Variants in CRELD1 observed in about 807,000 individuals in gnomAD.
CRELD1 encodes the protein CRELD disulfide isomerase 1.
CRELD1 carries 42 observed loss-of-function variants against 58.2 expected under a neutral mutation model. The ratio of observed to expected loss-of-function variants is 0.72; its 90% CI spans 0.56 to 0.93. The LOEUF (loss-of-function observed/expected upper bound fraction) is 0.93, where lower values mean the gene tolerates loss of function less well. CRELD1 is among the 40% of genes least tolerant of loss of function. The pLI, the probability that CRELD1 is intolerant of heterozygous loss-of-function variation, is 0.00. For missense variants in CRELD1, 500 were observed against 540.6 expected, an observed-to-expected ratio of 0.92 and a Z score of 0.74; for synonymous variants, 222 against 202.0, an observed-to-expected ratio of 1.10 and a Z score of -0.84.
chr3:9,943,107 G>C lies in CRELD1; in HGVS notation c.848G>C (p.Gly283Ala). Reference sequence around the variant, plus strand: ...GCCAAGGCCTGCCTAGGCTGCATGGGGGCAGGGCCAGGTCGCTGTAAGAAG... The same window carrying C: ...GCCAAGGCCTGCCTAGGCTGCATGGCGGCAGGGCCAGGTCGCTGTAAGAAG... ...DCAKACLGCMGAGPGRCKKCS... is the reference protein window; with the variant it reads ...DCAKACLGCMAAGPGRCKKCS... Residue 283 changes from glycine (G) to alanine (A), a missense_variant, in exon 9 of 11, where the codon GGG becomes GCG. Physicochemically the swap from Gly to Ala is moderately conservative, Grantham distance 60 (BLOSUM62 0). Coordinates refer to ENST00000452070, the MANE Select transcript of CRELD1 (RefSeq NM_001077415.3). 6.2e-7 allele frequency: 1 copy of C among 1,613,812 alleles called. No homozygotes were observed. Among genetic ancestry groups the C allele is most frequent in the Middle Eastern group, 1.6e-4 (1 of 6,062 alleles).
In CRELD1 at chr3:9,943,153, G is replaced by A. The variant is rs1287283065; in HGVS notation, c.894G>A (p.Gln298=). The stretch of plus-strand genomic sequence containing the variant: ...AGAAGTGTAGCCCTGGCTATCAGCA[G>A]GTGGGCTCCAAGTGTCTCGGTGAGT... ...RCKKCSPGYQ[Q]VGSKCLDVDE... The change falls in exon 9 of 11, where the codon CAG becomes CAA. Residue 298 remains glutamine, a synonymous_variant. Transcript: ENST00000452070. 6.2e-7 allele frequency: 1 copy of A among 1,613,380 alleles called. No individual in the cohort carries two copies. Among genetic ancestry groups the A allele is most frequent in the African/African-American group, 1.3e-5 (1 of 74,928 alleles).
chr3:9,944,367 T>G lies in CRELD1; in HGVS notation c.1051T>G (p.Ser351Ala). 1 of 1,613,584 alleles carries G rather than the reference T, an allele frequency of 6.2e-7. No individual in the cohort carries two copies. The highest frequency in any genetic ancestry group is 8.5e-7 in the Non-Finnish European group (1 of 1,179,746). Residue 351 changes from serine (S) to alanine (A), a missense_variant and splice_region_variant, in exon 11 of 11, where the codon TCA becomes GCA. Transcript: ENST00000452070. ...GICVKEQIPE[S>A]AGFFSEMTED... ...CTGCATCTCTTGCTCCTCTGCAGAG[T>G]CAGCAGGCTTCTTCTCAGAGATGAC...
intron 5 of CRELD1, among the ~76,000 whole-genome samples, chr3:9,940,332 G>A (rs1446784720): frequency 6.6e-6 from 1 of 152,118 alleles, no homozygotes; most frequent in Non-Finnish European, 1.5e-5. Flanking sequence ...GGAGGTGGAG[G>A]TTGTAGCGAG....
At chr3:9,935,013 C>A (rs2125330486) in intron 3 of CRELD1, 96 bp downstream of exon 3, 5 of 1,029,600 alleles carry the variant, frequency 4.9e-6, no homozygotes, top group East Asian at 2.6e-5. Context: ...AGCACTTATT[C>A]ATTCAACAAA....
chr3:9,941,846 C>T (rs1468360419), intron 7 of CRELD1, among the ~76,000 whole-genome samples: 1 of 143,104 alleles, frequency 7.0e-6, no homozygotes, highest in Non-Finnish European at 1.5e-5. Context: ...AGAATGAGGA[C>T]ACTGAACTTG....
At chr3:9,943,848 C>CGATGA in intron 10 of CRELD1, 1 of 1,613,844 alleles carries the variant, frequency 6.2e-7, no homozygotes, top group African/African-American at 1.3e-5. Context: ...GTAATCACAA[C>CGATGA]GATGATGGCA....
In CRELD1 at chr3:9,936,121, C is replaced by T. The variant is rs376882539; in HGVS notation, c.257+1204C>T. The stretch of plus-strand genomic sequence containing the variant: ...AAGGCTCAGAGTTAGACCTGGTTGT[C>T]GGTTCTTAACCTCTCAGAGCCACAG... On this transcript the variant is annotated intron_variant, in intron 3 of 10. Coordinates refer to ENST00000452070, the MANE Select transcript of CRELD1 (RefSeq NM_001077415.3). 5.9e-5 allele frequency: 9 copies of T among 152,264 alleles called. No individual in the cohort carries two copies. In the South Asian group the frequency reaches 1.2e-3, roughly 21 times the overall value. 9.4% of individuals were successfully genotyped at this position (152,264 alleles called of 1,614,324 possible). A position where few individuals can be genotyped will look rare whatever the true frequency, so the allele number is the denominator to read the frequency against.
chr3:9,939,195 T>TA (rs1417243299), intron 5 of CRELD1, among the ~76,000 whole-genome samples: 1 of 151,766 alleles, frequency 6.6e-6, no homozygotes, highest in African/African-American at 2.4e-5. Context: ...AAAAGGTCTG[T>TA]AAAATCTAAT....
chr3:9,937,951 A>G (rs534302234), intron 4 of CRELD1, 64 bp from the exon 5 acceptor site: 1 of 1,181,338 alleles, frequency 8.5e-7, no homozygotes, highest in Admixed American at 1.8e-5. Flanking sequence ...GGGAATGGGA[A>G]CAGCACTTAT....
chr3:9,943,445 C>T lies in CRELD1; in HGVS notation c.978C>T (p.Gly326=), dbSNP rs374333743. 2.0e-5 allele frequency: 33 copies of T among 1,613,818 alleles called. No homozygotes were observed. Among genetic ancestry groups the T allele is most frequent in the Admixed American group, 5.0e-5 (3 of 59,984 alleles). ...GENKQCENTE[G]GYRCICAEGY... Reference sequence around the variant, plus strand: ...ACAAGCAGTGTGAAAACACCGAGGGCGGTTATCGCTGCATCTGTGCCGAGG... The same window carrying T: ...ACAAGCAGTGTGAAAACACCGAGGGTGGTTATCGCTGCATCTGTGCCGAGG... The change falls in exon 10 of 11, where the codon GGC becomes GGT. Residue 326 remains glycine (G), a synonymous_variant. Transcript: ENST00000452070.
intron 7 of CRELD1, among the ~76,000 whole-genome samples, 172 bp downstream of exon 7, chr3:9,941,378 A>G (rs1035590002): frequency 2.0e-5 from 3 of 151,954 alleles, no homozygotes; most frequent in Non-Finnish European, 2.9e-5. Context: ...GTACACAGGT[A>G]CTGTGTAGTA....
At chr3:9,938,186 CTGTGT>C in intron 5 of CRELD1, 80 bp downstream of exon 5, 13 of 1,107,534 alleles carry the variant, frequency 1.2e-5, no homozygotes, top group Non-Finnish European at 1.8e-5. Context: ...CCCTAGTTCG[CTGTGT>C]GAACTCAGGC....
chr3:9,944,354 C>T lies in CRELD1; in HGVS notation c.1049-11C>T. ...TACGAGTGCCAGGCTGCATCTCTTG[C>T]TCCTCTGCAGAGTCAGCAGGCTTCT... On this transcript the variant is annotated splice_polypyrimidine_tract_variant and intron_variant, in intron 10 of 10. Coordinates refer to ENST00000452070, the MANE Select transcript of CRELD1 (RefSeq NM_001077415.3). 1.2e-6 allele frequency: 2 copies of T among 1,611,120 alleles called. No individual in the cohort carries two copies. The highest frequency in any genetic ancestry group is 1.7e-6 in the Non-Finnish European group (2 of 1,177,378).
chr3:9,934,369 G>A, intron 1 of CRELD1, 51 bp from the exon 2 acceptor site: 1 of 1,408,670 alleles, frequency 7.1e-7, no homozygotes, highest in African/African-American at 1.4e-5. Context: ...TTTCTTTCTC[G>A]CGTGGGGCCT....
chr3:9,934,837 C>T lies in CRELD1; in HGVS notation c.177C>T (p.Gly59=). ...TATTACTAATTTTCTGTTTCCAGGG[C>T]CTGGAGAGAACCATCCGGGACAACT... ...CRGLVDSFNK[G]LERTIRDNFG... The change falls in exon 3 of 11, where the codon GGC becomes GGT. Residue 59 remains glycine (G), a splice_region_variant and synonymous_variant. Transcript: ENST00000452070. 6.2e-7 allele frequency: 1 copy of T among 1,611,922 alleles called. No individual in the cohort carries two copies. Among genetic ancestry groups the T allele is most frequent in the African/African-American group, 1.3e-5 (1 of 74,986 alleles).
chr3:9,943,603 C>G, intron 10 of CRELD1, 88 bp downstream of exon 10: 2 of 1,599,174 alleles, frequency 1.3e-6, no homozygotes, highest in Non-Finnish European at 1.7e-6. Context: ...AGCTCCAGGC[C>G]CTGCCCCATC....
chr3:9,944,402 G>A lies in CRELD1; in HGVS notation c.1086G>A (p.Glu362=), dbSNP rs1333538413. The change falls in exon 11 of 11, where the codon GAG becomes GAA. Residue 362 remains glutamate (E), a synonymous_variant. Coordinates refer to ENST00000452070, the MANE Select transcript of CRELD1 (RefSeq NM_001077415.3). ...TCTTCTCAGAGATGACAGAAGACGA[G>A]TTGGTGGTGCTGCAGCAGATGTTCT... The part of the protein sequence containing the change: ...AGFFSEMTED[E]LVVLQQMFFG... 6.2e-6 allele frequency: 10 copies of A among 1,614,152 alleles called. No homozygotes were observed. The highest frequency in any genetic ancestry group is 1.7e-4 in the Middle Eastern group (1 of 6,022).
rs559289252 is a variant in CRELD1 at position 9,939,861 on chromosome 3, C to T, written c.461-989C>T. Among the ~76,000 whole-genome samples, 11 of 152,294 alleles carry T rather than the reference C, an allele frequency of 7.2e-5. No homozygotes were observed. In the South Asian group the frequency reaches 1.9e-3, roughly 26 times the overall value. The stretch of plus-strand genomic sequence containing the variant: ...TGAGCTGTTGGGTACACCTCCCAGA[C>T]GGGGTGGTGGCCGGGCAGAGGGGCT... On this transcript the variant is annotated intron_variant, in intron 5 of 10. Transcript: ENST00000452070.
At chr3:9,939,807 C>G (rs1360863883) in intron 5 of CRELD1, among the ~76,000 whole-genome samples, 1 of 152,176 alleles carries the variant, frequency 6.6e-6, no homozygotes, top group African/African-American at 2.4e-5. Flanking sequence ...TTCCACAAAA[C>G]CGCCATTGTC....
Sources: allele counts gnomAD v4.1 joint callset (sites outside exome capture counted in the v4.1 genomes callset), GRCh38; gene constraint gnomAD v4.1.1; transcripts MANE v1.5; gene names NCBI Gene and HGNC (gene_info 2026-07-23, HGNC 2026-07-21).